The following NLK variants were observed in gnomAD, a reference collection of about 807,000 sequenced individuals.
NLK encodes the protein nemo like kinase.
NLK carries 11 observed loss-of-function variants against 59.0 expected under a neutral mutation model. The observed-to-expected ratio is 0.19, with a 90% CI of 0.12 to 0.31. The LOEUF is 0.31. Among genes scored for constraint, NLK ranks in the 10% least tolerant of loss-of-function variants. The pLI is 1.00. For missense variants in NLK, 410 were observed against 661.1 expected (o/e 0.62, Z 4.16); for synonymous variants, 235 against 235.9 (o/e 1.00, Z 0.03).
chr17:28,205,992 G>A, the NLK span, among the ~76,000 whole-genome samples: 1 of 152,114 alleles, frequency 6.6e-6, no homozygotes, highest in African/African-American at 2.4e-5. Context: ...CCTGACCCTA[G>A]TAGTCATTTC....
chr17:28,069,495 A>G (rs1053406006), intron 1 of NLK, among the ~76,000 whole-genome samples: 1 of 152,254 alleles, frequency 6.6e-6, no homozygotes, highest in Non-Finnish European at 1.5e-5. Context: ...ACCAGTTTGT[A>G]CTACTACCAG....
chr17:28,069,261 T>C (rs140128988), intron 1 of NLK, among the ~76,000 whole-genome samples: 1 of 152,358 alleles, frequency 6.6e-6, no homozygotes. Flanking sequence ...CAGTGTTTTT[T>C]TCTCTTTATT....
At chr17:28,167,925 GA>G (rs1248410807) in intron 5 of NLK, among the ~76,000 whole-genome samples, 1 of 152,090 alleles carries the variant, frequency 6.6e-6, no homozygotes, top group Non-Finnish European at 1.5e-5. Flanking sequence ...AAGATGAGAA[GA>G]ATATTTTTAA....
At position 28,113,335 on chromosome 17, in the gene NLK, G is replaced by A. The variant is rs376569360; in HGVS notation, c.459-9268G>A. Among the ~76,000 whole-genome samples the A allele has an allele frequency of 7.9e-5, 12 of 152,264 alleles. No individual in the cohort carries two copies. The East Asian group carries it at 2.3e-3, about 29-fold the overall frequency. ...GGATCTCACACAAGAAAAAATTGGG[G>A]CAAGTCCATAGAGTAAAGTGAAAGC... On this transcript the variant is annotated intron_variant, in intron 1 of 10. Coordinates refer to ENST00000407008, the MANE Select transcript of NLK (RefSeq NM_016231.5).
downstream of NLK, among the ~76,000 whole-genome samples, chr17:28,197,468 CA>C (rs1158938151): frequency 0.073 from 6,162 of 84,632 alleles, 370 homozygotes; most frequent in African/African-American, 0.21. Context: ...GATTCTGTCT[CA>C]AAAAAAAAAA....
intron 1 of NLK, among the ~76,000 whole-genome samples, chr17:28,081,354 T>TAA (rs1043875493): frequency 2.0e-5 from 3 of 147,848 alleles, no homozygotes; most frequent in African/African-American, 7.4e-5. Context: ...CCAGCTAATT[T>TAA]AAAAAAAAAA....
intron 1 of NLK, among the ~76,000 whole-genome samples, chr17:28,051,301 G>GT (rs1418746679): frequency 6.7e-6 from 1 of 150,308 alleles, no homozygotes; most frequent in Non-Finnish European, 1.5e-5. Context: ...TTGTTTGTTT[G>GT]TTTGTTTTTA....
chr17:28,149,440 A>C (rs890261040), intron 3 of NLK, among the ~76,000 whole-genome samples: 1 of 152,192 alleles, frequency 6.6e-6, no homozygotes, highest in South Asian at 2.1e-4. Context: ...GTATAGATAA[A>C]TTGCCAATTA....
chr17:28,094,152 A>G (rs1904611879), intron 1 of NLK, among the ~76,000 whole-genome samples: 1 of 152,158 alleles, frequency 6.6e-6, no homozygotes, highest in African/African-American at 2.4e-5. Flanking sequence ...TATTCATGAG[A>G]GATTATATTA....
chr17:28,129,825 A>G (rs867581739), intron 2 of NLK, among the ~76,000 whole-genome samples: 2 of 152,170 alleles, frequency 1.3e-5, no homozygotes, highest in South Asian at 2.1e-4. Context: ...CACAGGAATT[A>G]TTTTATTGAT....
downstream of NLK, among the ~76,000 whole-genome samples, chr17:28,199,810 A>G (rs192614633): frequency 9.1e-4 from 138 of 152,298 alleles, 1 homozygote; most frequent in African/African-American, 3.2e-3. Flanking sequence ...AGATTATCAA[A>G]ACAATAAAAT....
intron 7 of NLK, among the ~76,000 whole-genome samples, chr17:28,179,549 G>A (rs1320666947): frequency 6.6e-6 from 1 of 151,534 alleles, no homozygotes; most frequent in Non-Finnish European, 1.5e-5. Context: ...TGGCCAACAT[G>A]GTGAAAGCCT....
intron 1 of NLK, among the ~76,000 whole-genome samples, chr17:28,059,181 C>A (rs1193567838): frequency 6.6e-6 from 1 of 151,706 alleles, no homozygotes; most frequent in African/African-American, 2.4e-5. Context: ...ATTAAAAGAT[C>A]CCGATTTCTT....
intron 3 of NLK, among the ~76,000 whole-genome samples, chr17:28,150,812 A>G (rs574890060): frequency 1.3e-5 from 2 of 152,374 alleles, no homozygotes; most frequent in East Asian, 3.9e-4. Context: ...TACCATGCAC[A>G]GTGTGTTTTT....
At chr17:28,202,052 T>TA in the NLK span, among the ~76,000 whole-genome samples, 1 of 151,918 alleles carries the variant, frequency 6.6e-6, no homozygotes, top group Non-Finnish European at 1.5e-5. Context: ...TATTGATTGA[T>TA]AGAGAAAAAC....
intron 1 of NLK, chr17:28,116,361 G>T (rs371603859): frequency 2.5e-5 from 5 of 197,072 alleles, no homozygotes; most frequent in Admixed American, 4.6e-5. Flanking sequence ...TGAGAACCCC[G>T]GCCGAATTTT....
At chr17:28,107,349 C>T (rs373033499) in intron 1 of NLK, among the ~76,000 whole-genome samples, 11 of 151,918 alleles carry the variant, frequency 7.2e-5, no homozygotes, top group African/African-American at 1.9e-4. Flanking sequence ...GCAGGAGAAT[C>T]GCTTGAATCT....
intron 7 of NLK, among the ~76,000 whole-genome samples, chr17:28,179,195 A>T (rs868450475): frequency 6.6e-6 from 1 of 152,194 alleles, no homozygotes; most frequent in African/African-American, 2.4e-5. Context: ...ACATGTGTGA[A>T]TGTTAGGAGA....
chr17:28,088,624 T>C (rs990628477), intron 1 of NLK, among the ~76,000 whole-genome samples: 3 of 152,196 alleles, frequency 2.0e-5, no homozygotes, highest in African/African-American at 2.4e-5. Context: ...ATATTTGATA[T>C]TTTTATTTCA....
Sources: allele counts gnomAD v4.1 joint callset (sites outside exome capture counted in the v4.1 genomes callset), GRCh38; gene constraint gnomAD v4.1.1; transcripts MANE v1.5; gene names NCBI Gene and HGNC (gene_info 2026-07-23, HGNC 2026-07-21).